The following RIPOR3 variants were observed in gnomAD, a reference collection of about 807,000 sequenced individuals.
RIPOR3 encodes RIPOR family member 3.
Under a neutral mutation model 114.3 loss-of-function variants are expected in RIPOR3, and 95 were observed. The ratio of observed to expected loss-of-function variants is 0.83; its 90% CI spans 0.70 to 0.99. The LOEUF is 0.99. Among genes scored for constraint, RIPOR3 ranks in the 50% least tolerant of loss-of-function variants. The pLI is 0.00. For synonymous variants in RIPOR3, 575 were observed against 543.8 expected (o/e 1.06, Z -0.80); for missense variants, 1,252 against 1,266.9 (o/e 0.99, Z 0.18).
intron 1 of RIPOR3, among the ~76,000 whole-genome samples, chr20:50,681,041 A>G (rs890983940): frequency 1.3e-5 from 2 of 152,048 alleles, no homozygotes; most frequent in Non-Finnish European, 2.9e-5. Context: ...CCTGATCAAC[A>G]AAGTGAGACC....
At chr20:50,669,899 G>T (rs1414284680) in intron 1 of RIPOR3, among the ~76,000 whole-genome samples, 2 of 151,502 alleles carry the variant, frequency 1.3e-5, no homozygotes, top group Non-Finnish European at 2.9e-5. Context: ...GCTCATGCCT[G>T]TAATCCCAGT....
chr20:50,690,453 G>A (rs2087171926), intron 1 of RIPOR3, among the ~76,000 whole-genome samples: 1 of 152,122 alleles, frequency 6.6e-6, no homozygotes, highest in Non-Finnish European at 1.5e-5. Flanking sequence ...ACATCCTTTA[G>A]AGAGTAAAAG....
intron 1 of RIPOR3, among the ~76,000 whole-genome samples, chr20:50,686,203 C>T (rs2087016966): frequency 6.6e-6 from 1 of 151,528 alleles, no homozygotes; most frequent in South Asian, 2.1e-4. Context: ...ATTACAGGCG[C>T]CCACCACCAT....
At chr20:50,666,183 A>ATTTCTCTTTTCTTTTCT (rs2086189441) in intron 1 of RIPOR3, among the ~76,000 whole-genome samples, 1 of 43,734 alleles carries the variant, frequency 2.3e-5, no homozygotes, top group Non-Finnish European at 6.1e-5. Flanking sequence ...AAGGACACCC[A>ATTTCTCTTTTCTTTTCT]TTTCTTTTCT....
chr20:50,594,793 A>G (rs2083232524), intron 16 of RIPOR3, 79 bp from the exon 17 acceptor site: 4 of 1,488,834 alleles, frequency 2.7e-6, no homozygotes, highest in Non-Finnish European at 3.7e-6. Context: ...TCCCTCCACT[A>G]GGACCTGAGG....
chr20:50,666,101 A>G (rs1487628218), intron 1 of RIPOR3, among the ~76,000 whole-genome samples: 6 of 151,282 alleles, frequency 4.0e-5, no homozygotes, highest in Non-Finnish European at 5.9e-5. Flanking sequence ...TATTAACATG[A>G]CAGTGAACAT....
chr20:50,672,563 T>C (rs1164097153), intron 1 of RIPOR3, among the ~76,000 whole-genome samples: 1 of 152,126 alleles, frequency 6.6e-6, no homozygotes, highest in Non-Finnish European at 1.5e-5. Context: ...TAACTGACTC[T>C]TGTGGGAAGG....
At chr20:50,620,255 C>T in intron 2 of RIPOR3, 123 bp from the exon 3 acceptor site, 1 of 1,104,482 alleles carries the variant, frequency 9.1e-7, no homozygotes, top group Non-Finnish European at 1.3e-6. Context: ...GGCTCAGTCC[C>T]ACCCCCATCA....
In RIPOR3 at chr20:50,602,198, G is replaced by C. The variant is rs756219778; in HGVS notation, c.1533C>G (p.Asp511Glu). The change falls in exon 13 of 22, where the codon GAC becomes GAG. Residue 511 changes from aspartate (D) to glutamate (E), a missense_variant. Physicochemically the swap from Asp to Glu is conservative, Grantham distance 45 (BLOSUM62 2). Transcript: ENST00000327979. This position sits in a 1 kb window ranked among gnomAD's most constrained non-coding sequence, Gnocchi z 4.3. ...HEEGATGDRE[D>E]GPGVALEGPL... Reference sequence around the variant, plus strand: ...GCCCCTCGAGGGCCACGCCAGGCCCGTCCTCTCTGTCCCCGGTTGCCCCTT... The same window carrying C: ...GCCCCTCGAGGGCCACGCCAGGCCCCTCCTCTCTGTCCCCGGTTGCCCCTT... 1.2e-6 allele frequency: 2 copies of C among 1,613,550 alleles called. No individual in the cohort carries two copies. The highest frequency in any genetic ancestry group is 1.7e-6 in the Non-Finnish European group (2 of 1,179,902).
chr20:50,664,471 G>A (rs1568941847), intron 1 of RIPOR3, among the ~76,000 whole-genome samples: 1 of 152,092 alleles, frequency 6.6e-6, no homozygotes, highest in Non-Finnish European at 1.5e-5. Context: ...GTGTGCAGCC[G>A]CTGCCTGGAG....
chr20:50,633,980 C>CTTTT (rs375758598), intron 1 of RIPOR3, among the ~76,000 whole-genome samples: 5 of 131,022 alleles, frequency 3.8e-5, no homozygotes, highest in Non-Finnish European at 6.5e-5. Context: ...TCTTTCTTTT[C>CTTTT]TTTTTTTTTT....
At chr20:50,687,484 T>C (rs2087067625) in intron 1 of RIPOR3, among the ~76,000 whole-genome samples, 1 of 152,232 alleles carries the variant, frequency 6.6e-6, no homozygotes, top group Non-Finnish European at 1.5e-5. Context: ...GAACCAGTGG[T>C]ATGCTGGCAA....
intron 1 of RIPOR3, among the ~76,000 whole-genome samples, chr20:50,683,040 T>G (rs901321513): frequency 6.6e-6 from 1 of 152,214 alleles, no homozygotes; most frequent in African/African-American, 2.4e-5. Context: ...AAACTATTTT[T>G]TTAAGCAAGG....
At chr20:50,636,918 T>C (rs1167796070) in intron 1 of RIPOR3, 1 of 985,312 alleles carries the variant, frequency 1.0e-6, no homozygotes, top group Non-Finnish European at 1.2e-6. Context: ...GTGGCTTTTA[T>C]GCCTGAGTCC....
At chr20:50,605,746 C>T (rs77084067) in intron 11 of RIPOR3, among the ~76,000 whole-genome samples, 1,924 of 151,768 alleles carry the variant, frequency 0.013, 51 homozygotes, top group African/African-American at 0.042. Flanking sequence ...CCACTGCTCT[C>T]CAGTCTGGGG....
chr20:50,612,261 T>A (rs572408737), intron 4 of RIPOR3, among the ~76,000 whole-genome samples: 18 of 151,976 alleles, frequency 1.2e-4, no homozygotes, highest in African/African-American at 4.3e-4. Context: ...GCCTGTGGGG[T>A]TAAATTCATC....
chr20:50,598,812 G>A (rs1308976892), intron 13 of RIPOR3, among the ~76,000 whole-genome samples: 1 of 151,724 alleles, frequency 6.6e-6, no homozygotes, highest in Non-Finnish European at 1.5e-5. Context: ...GGCTGAGGCA[G>A]GAGAATTGCT....
Position 50,608,731 on chromosome 20 carries a change from A to T in RIPOR3, c.692T>A (p.Met231Lys). The change falls in exon 10 of 22, where the codon ATG (methionine) becomes AAG (lysine). Residue 231 changes from methionine (M) to lysine (K), a missense_variant. Met to Lys is a moderately conservative substitution (Grantham distance 95). Coordinates refer to ENST00000327979, the MANE Select transcript of RIPOR3 (RefSeq NM_001290268.2). ...LCPGDHYEVL[M>K]RLGRQRWKLK... Reference sequence around the variant, plus strand: ...CTTCCAACGCTGGCGGCCCAGACGCATGAGCACCTGTGAACCAGCCCGAGA... The same window carrying T: ...CTTCCAACGCTGGCGGCCCAGACGCTTGAGCACCTGTGAACCAGCCCGAGA... The T allele has an allele frequency of 6.2e-7, 1 of 1,613,980 alleles. No homozygotes were observed. The highest frequency in any genetic ancestry group is 8.5e-7 in the Non-Finnish European group (1 of 1,179,904).
intron 1 of RIPOR3, among the ~76,000 whole-genome samples, chr20:50,647,583 C>T (rs1000822607): frequency 2.7e-5 from 4 of 149,270 alleles, no homozygotes; most frequent in Non-Finnish European, 4.4e-5. Context: ...CCCGGGTTCA[C>T]GCCATTCTCC....
Sources: allele counts gnomAD v4.1 joint callset (sites outside exome capture counted in the v4.1 genomes callset), GRCh38; gene constraint gnomAD v4.1.1; non-coding constraint Gnocchi (gnomAD v3.1); transcripts MANE v1.5; gene names NCBI Gene and HGNC (gene_info 2026-07-23, HGNC 2026-07-21).